The following CCSER1 variants were observed in gnomAD, a reference collection of about 807,000 sequenced individuals.
CCSER1 encodes the protein serine-rich coiled-coil domain-containing protein 1.
CCSER1 carries 41 observed loss-of-function variants against 82.0 expected under a neutral mutation model. The ratio of observed to expected loss-of-function variants is 0.50; its 90% CI spans 0.39 to 0.65. The LOEUF (loss-of-function observed/expected upper bound fraction) is 0.65, where lower values mean the gene tolerates loss of function less well. Ranked by LOEUF, CCSER1 falls within the 30% of genes least tolerant of loss-of-function variation. The pLI, the probability that CCSER1 is intolerant of heterozygous loss-of-function variation, is 0.00. For missense variants in CCSER1, 1,119 were observed against 1,064.2 expected (o/e 1.05, Z -0.72); for synonymous variants, 414 against 383.9 (o/e 1.08, Z -0.92).
chr4:91,323,865 T>G (rs1346530264), intron 10 of CCSER1, among the ~76,000 whole-genome samples: 1 of 152,182 alleles, frequency 6.6e-6, no homozygotes, highest in African/African-American at 2.4e-5. Context: ...AAATCCTGCA[T>G]TAGAGGCTAG....
At chr4:90,333,427 A>C (rs1408517241) in intron 3 of CCSER1, among the ~76,000 whole-genome samples, 1 of 152,212 alleles carries the variant, frequency 6.6e-6, no homozygotes, top group Non-Finnish European at 1.5e-5. Flanking sequence ...AAAACAAACA[A>C]AACGAAACAA....
chr4:90,424,249 A>G (rs1171324246), intron 4 of CCSER1, among the ~76,000 whole-genome samples: 1 of 152,186 alleles, frequency 6.6e-6, no homozygotes, highest in East Asian at 1.9e-4. Flanking sequence ...TTCCAAAAAT[A>G]TATTTTAGAT....
At chr4:91,000,701 T>C (rs1446821506) in intron 9 of CCSER1, among the ~76,000 whole-genome samples, 4 of 152,104 alleles carry the variant, frequency 2.6e-5, no homozygotes, top group African/African-American at 2.4e-5. Context: ...GTAAATGGGA[T>C]TGTGTTCTTG....
chr4:90,780,788 A>G (rs1753662557), intron 7 of CCSER1: 5 of 1,140,282 alleles, frequency 4.4e-6, no homozygotes, highest in Non-Finnish European at 5.4e-6. Context: ...TAAAGTATCA[A>G]TATTTCCATA....
chr4:90,189,537 TA>T, intron 1 of CCSER1, among the ~76,000 whole-genome samples: 1 of 152,018 alleles, frequency 6.6e-6, no homozygotes, highest in East Asian at 1.9e-4. Context: ...TGTATGTATA[TA>T]TATAGATGTG....
At chr4:90,640,418 TAAAC>T (rs1726283014) in intron 6 of CCSER1, among the ~76,000 whole-genome samples, 1 of 152,152 alleles carries the variant, frequency 6.6e-6, no homozygotes, top group Non-Finnish European at 1.5e-5. Flanking sequence ...TCAAGAATGA[TAAAC>T]AAAAATTCAT....
At chr4:91,595,614 C>T (rs942607119) in intron 10 of CCSER1, among the ~76,000 whole-genome samples, 4 of 151,740 alleles carry the variant, frequency 2.6e-5, no homozygotes, top group African/African-American at 9.7e-5. Context: ...TGTAATAATC[C>T]TTTATGAAGA....
At chr4:90,511,863 CCAGA>C (rs1258146295) in intron 5 of CCSER1, among the ~76,000 whole-genome samples, 1 of 151,746 alleles carries the variant, frequency 6.6e-6, no homozygotes, top group African/African-American at 2.4e-5. Context: ...CACAAAGAAC[CCAGA>C]CAAAGAGGTA....
intron 10 of CCSER1, among the ~76,000 whole-genome samples, chr4:91,281,823 T>C (rs1368349149): frequency 6.6e-6 from 1 of 152,094 alleles, no homozygotes; most frequent in Admixed American, 6.6e-5. Context: ...TCCTTGTTTG[T>C]TATAGGAATG....
intron 4 of CCSER1, among the ~76,000 whole-genome samples, chr4:90,459,557 C>G (rs566458291): frequency 6.6e-6 from 1 of 152,176 alleles, no homozygotes; most frequent in South Asian, 2.1e-4. Flanking sequence ...CTGATGGCTT[C>G]TTTCTGTGTC....
At chr4:90,458,984 C>G (rs1164575931) in intron 4 of CCSER1, among the ~76,000 whole-genome samples, 2 of 152,070 alleles carry the variant, frequency 1.3e-5, no homozygotes, top group African/African-American at 4.8e-5. Flanking sequence ...GTTTGTGACT[C>G]TGTTCTTTCT....
intron 3 of CCSER1, chr4:90,325,754 C>T: frequency 2.9e-6 from 1 of 341,034 alleles, no homozygotes; most frequent in Non-Finnish European, 6.2e-6. Flanking sequence ...TTATTTTATA[C>T]TTATTTTATG....
intron 10 of CCSER1, among the ~76,000 whole-genome samples, chr4:91,415,750 G>A (rs1282594617): frequency 6.6e-6 from 1 of 152,142 alleles, no homozygotes; most frequent in Non-Finnish European, 1.5e-5. Flanking sequence ...TGCATTCCAG[G>A]AAGAAGCCAA....
intron 7 of CCSER1, among the ~76,000 whole-genome samples, chr4:90,765,183 T>C (rs1390068504): frequency 6.6e-6 from 1 of 152,166 alleles, no homozygotes; most frequent in Non-Finnish European, 1.5e-5. Context: ...GTTTCTATTA[T>C]CAAACTTGAA....
chr4:90,404,978 T>C (rs1057298989), intron 4 of CCSER1, among the ~76,000 whole-genome samples: 1 of 152,014 alleles, frequency 6.6e-6, no homozygotes, highest in Admixed American at 6.6e-5. Context: ...CAAAAGACCA[T>C]ACCAGCTCAC....
intron 10 of CCSER1, among the ~76,000 whole-genome samples, chr4:91,155,921 A>T (rs1466742183): frequency 2.6e-5 from 4 of 151,888 alleles, no homozygotes. Flanking sequence ...TAAAAACTGA[A>T]CACTGATATT....
chr4:91,445,661 T>C (rs1476381892), intron 10 of CCSER1, among the ~76,000 whole-genome samples: 6 of 152,136 alleles, frequency 3.9e-5, no homozygotes, highest in African/African-American at 1.4e-4. Flanking sequence ...TCTATTTATA[T>C]CCCTGTCATC....
intron 3 of CCSER1, among the ~76,000 whole-genome samples, chr4:90,384,415 A>G (rs1026595595): frequency 7.3e-5 from 11 of 151,644 alleles, no homozygotes; most frequent in African/African-American, 2.7e-4. Context: ...CAATGAGAAC[A>G]CTTGGACACA....
chr4:90,410,792 A>C (rs1578336204), intron 4 of CCSER1, among the ~76,000 whole-genome samples: 1 of 152,192 alleles, frequency 6.6e-6, no homozygotes, highest in Non-Finnish European at 1.5e-5. Context: ...AGCTGAAGGA[A>C]ATAGAGACAC....
Sources: allele counts gnomAD v4.1 joint callset (sites outside exome capture counted in the v4.1 genomes callset), GRCh38; gene constraint gnomAD v4.1.1; transcripts MANE v1.5; gene names NCBI Gene and HGNC (gene_info 2026-07-23, HGNC 2026-07-21).